PRKCH: variants seen among roughly 807,000 people sequenced by gnomAD.
PRKCH encodes the protein protein kinase C eta type.
Under a neutral mutation model 82.5 loss-of-function variants are expected in PRKCH, and 28 were observed. The observed-to-expected ratio is 0.34, with a 90% CI of 0.25 to 0.47. The LOEUF (loss-of-function observed/expected upper bound fraction) is 0.47. Among genes scored for constraint, PRKCH ranks in the 20% least tolerant of loss-of-function variants. PRKCH has a pLI of 1.00. For missense variants in PRKCH, 705 were observed against 881.8 expected, an observed-to-expected ratio of 0.80 and a Z score of 2.54; for synonymous variants, 322 against 327.4, an observed-to-expected ratio of 0.98 and a Z score of 0.18.
intron 1 of PRKCH, among the ~76,000 whole-genome samples, chr14:61,384,959 C>G (rs2046565271): frequency 6.6e-6 from 1 of 152,010 alleles, no homozygotes; most frequent in Non-Finnish European, 1.5e-5. Flanking sequence ...TCCCGTTGTT[C>G]TAGCACCATT....
intron 9 of PRKCH, among the ~76,000 whole-genome samples, chr14:61,485,275 C>G (rs1886166030): frequency 6.6e-6 from 1 of 152,110 alleles, no homozygotes; most frequent in East Asian, 1.9e-4. Flanking sequence ...TGTAGCAATT[C>G]AAGGCTGTGT....
intron 12 of PRKCH, among the ~76,000 whole-genome samples, chr14:61,545,807 A>G (rs975997768): frequency 3.3e-5 from 5 of 152,300 alleles, no homozygotes; most frequent in African/African-American, 9.6e-5. Flanking sequence ...ACAGTGCCCC[A>G]TGGAAGCTTG....
chr14:61,481,959 C>T (rs1885993447), intron 9 of PRKCH, among the ~76,000 whole-genome samples: 1 of 151,360 alleles, frequency 6.6e-6, no homozygotes, highest in African/African-American at 2.4e-5. Flanking sequence ...CCACCCACCA[C>T]CTGATGATGT....
At chr14:61,208,243 G>C (rs1434927731) in intron 1 of PRKCH, among the ~76,000 whole-genome samples, 3 of 152,164 alleles carry the variant, frequency 2.0e-5, no homozygotes, top group African/African-American at 4.8e-5. Flanking sequence ...CCATTTTTAA[G>C]TGTATGGTTC....
At chr14:61,312,964 T>C (rs1426614995) in intron 1 of PRKCH, among the ~76,000 whole-genome samples, 2 of 152,228 alleles carry the variant, frequency 1.3e-5, no homozygotes, top group Admixed American at 6.5e-5. Flanking sequence ...AAACATTTTG[T>C]GTATTAAATT....
At chr14:61,485,306 C>T (rs376125511) in intron 9 of PRKCH, among the ~76,000 whole-genome samples, 196 bp from the exon 10 acceptor site, 2 of 152,124 alleles carry the variant, frequency 1.3e-5, no homozygotes, top group East Asian at 3.9e-4. Context: ...ACAGGAGATC[C>T]AGGTGCTGCT....
intron 1 of PRKCH, among the ~76,000 whole-genome samples, chr14:61,343,406 GACTT>G (rs2045953594): frequency 8.0e-6 from 1 of 124,608 alleles, no homozygotes; most frequent in Non-Finnish European, 1.6e-5. Context: ...GGATAGAAAA[GACTT>G]ACATGTTGAG....
chr14:61,250,275 A>C (rs1316275041), intron 1 of PRKCH, among the ~76,000 whole-genome samples: 1 of 151,194 alleles, frequency 6.6e-6, no homozygotes, highest in East Asian at 1.9e-4. Flanking sequence ...ATAAATAAAT[A>C]AATAAATCTG....
At chr14:61,408,708 A>T (rs1882097531) in intron 2 of PRKCH, among the ~76,000 whole-genome samples, 1 of 152,212 alleles carries the variant, frequency 6.6e-6, no homozygotes, top group African/African-American at 2.4e-5. Flanking sequence ...CCCACTTGGG[A>T]AGGAAATCCG....
At chr14:61,525,904 C>T (rs9323372) in intron 10 of PRKCH, 5,935 of 152,564 alleles carry the variant, frequency 0.039, 354 homozygotes, top group African/African-American at 0.13. Flanking sequence ...TTTGTCCCCC[C>T]GGCCGTGCTC....
chr14:61,201,629 T>A (rs1418012288), intron 1 of PRKCH, among the ~76,000 whole-genome samples: 1 of 152,324 alleles, frequency 6.6e-6, no homozygotes, highest in Non-Finnish European at 1.5e-5. Context: ...GACTTCCTCA[T>A]ATTTCTCAGT....
chr14:61,536,970 T>G (rs1163448058), intron 12 of PRKCH, among the ~76,000 whole-genome samples: 1 of 152,188 alleles, frequency 6.6e-6, no homozygotes, highest in African/African-American at 2.4e-5. Context: ...TTGTGAGAAC[T>G]TTTCCCATGG....
chr14:61,375,484 C>T (rs894885953), intron 1 of PRKCH, among the ~76,000 whole-genome samples: 1 of 151,970 alleles, frequency 6.6e-6, no homozygotes, highest in Non-Finnish European at 1.5e-5. Context: ...TACAGAACTA[C>T]GTGAGACTGG....
At chr14:61,365,673 A>G (rs1274489119) in intron 1 of PRKCH, among the ~76,000 whole-genome samples, 1 of 152,040 alleles carries the variant, frequency 6.6e-6, no homozygotes, top group Admixed American at 6.6e-5. Flanking sequence ...GTGAGAAAAA[A>G]CGTTAAAACA....
intron 2 of PRKCH, among the ~76,000 whole-genome samples, chr14:61,415,348 A>T (rs1466129316): frequency 6.6e-6 from 1 of 152,224 alleles, no homozygotes; most frequent in Non-Finnish European, 1.5e-5. Flanking sequence ...TTTTAACAAG[A>T]GTTGCAGAGG....
At chr14:61,374,421 T>G (rs548952705) in intron 1 of PRKCH, among the ~76,000 whole-genome samples, 1 of 152,258 alleles carries the variant, frequency 6.6e-6, no homozygotes, top group East Asian at 1.9e-4. Context: ...TGTGGGGGTT[T>G]CAGCCCCACA....
chr14:61,422,882 C>T (rs1176024181), intron 2 of PRKCH, among the ~76,000 whole-genome samples: 2 of 152,160 alleles, frequency 1.3e-5, no homozygotes, highest in African/African-American at 4.8e-5. Flanking sequence ...CACGTATGCA[C>T]ACACCCCCAC....
chr14:61,335,413 T>C (rs1014710962), intron 1 of PRKCH, among the ~76,000 whole-genome samples: 4 of 152,198 alleles, frequency 2.6e-5, no homozygotes, highest in African/African-American at 9.7e-5. Flanking sequence ...GTTTCAATAA[T>C]TTAGATGGAC....
chr14:61,260,358 A>G (rs2045035258), intron 1 of PRKCH, among the ~76,000 whole-genome samples: 1 of 152,194 alleles, frequency 6.6e-6, no homozygotes. Context: ...AATGGAGTCT[A>G]TTTTGGAGGC....
Sources: gnomAD v4.1 joint callset for allele counts (sites outside exome capture counted in the v4.1 genomes callset) on GRCh38, gnomAD v4.1.1 for gene constraint, MANE v1.5 for transcripts, NCBI Gene and HGNC (gene_info 2026-07-23, HGNC 2026-07-21) for gene names.